The following UBE2D2 variants were observed in gnomAD, a reference collection of about 807,000 sequenced individuals.
UBE2D2 encodes the protein ubiquitin-conjugating enzyme E2 D2.
A neutral mutation model predicts 24.2 loss-of-function variants in UBE2D2; 2 were observed. The ratio of observed to expected loss-of-function variants is 0.08; its 90% CI spans 0.03 to 0.26. The LOEUF (loss-of-function observed/expected upper bound fraction) is 0.26, where lower values mean the gene tolerates loss of function less well. Ranked by LOEUF, UBE2D2 falls within the 10% of genes least tolerant of loss-of-function variation. The pLI, the probability that UBE2D2 is intolerant of heterozygous loss-of-function variation, is 1.00. For missense variants in UBE2D2, 44 were observed against 177.6 expected (o/e 0.25, Z 4.28); for synonymous variants, 58 against 56.5 (o/e 1.03, Z -0.12).
At chr5:139,566,888 A>T (rs566780802) in intron 1 of UBE2D2, among the ~76,000 whole-genome samples, 1 of 152,056 alleles carries the variant, frequency 6.6e-6, no homozygotes, top group East Asian at 1.9e-4. Flanking sequence ...GAGAAGCCAC[A>T]AATCCAGATT....
intron 1 of UBE2D2, among the ~76,000 whole-genome samples, chr5:139,568,940 A>G (rs1291901637): frequency 2.9e-4 from 44 of 152,144 alleles, no homozygotes; most frequent in Non-Finnish European, 4.4e-5. Flanking sequence ...ACTGCAGTCC[A>G]GCTTGGGCAA....
intron 1 of UBE2D2, among the ~76,000 whole-genome samples, chr5:139,540,182 G>A (rs144376648): frequency 0.012 from 1,899 of 152,196 alleles, 33 homozygotes; most frequent in African/African-American, 0.043. Flanking sequence ...ACCTCCCAAA[G>A]TGCTGGGATT....
At chr5:139,541,602 A>AG (rs1341625750) in intron 1 of UBE2D2, among the ~76,000 whole-genome samples, 2 of 149,198 alleles carry the variant, frequency 1.3e-5, no homozygotes, top group Admixed American at 6.7e-5. Context: ...TCCATTTCAA[A>AG]AAAAAAAAAA....
chr5:139,586,565 A>T (rs1182862779), intron 1 of UBE2D2, among the ~76,000 whole-genome samples: 2 of 152,120 alleles, frequency 1.3e-5, no homozygotes, highest in Non-Finnish European at 2.9e-5. Flanking sequence ...GGAGATGGAG[A>T]CCATCCTGGC....
intron 5 of UBE2D2, among the ~76,000 whole-genome samples, chr5:139,622,890 G>A (rs540507117): frequency 2.0e-5 from 3 of 149,598 alleles, no homozygotes; most frequent in South Asian, 2.1e-4. Flanking sequence ...GCCAGACTCC[G>A]TCTCAAAAAA....
intron 1 of UBE2D2, among the ~76,000 whole-genome samples, chr5:139,535,135 T>C (rs1752651304): frequency 7.0e-6 from 1 of 143,854 alleles, no homozygotes; most frequent in Non-Finnish European, 1.5e-5. Flanking sequence ...AAGTGAGACT[T>C]TATCTCAAAT....
At chr5:139,584,102 A>G (rs1753665737) in intron 1 of UBE2D2, among the ~76,000 whole-genome samples, 1 of 152,222 alleles carries the variant, frequency 6.6e-6, no homozygotes, top group Non-Finnish European at 1.5e-5. Flanking sequence ...ATCCAGAGCA[A>G]CTTCCAGTCT....
upstream of UBE2D2, among the ~76,000 whole-genome samples, chr5:139,558,678 T>C (rs1467209411): frequency 6.6e-6 from 1 of 152,154 alleles, no homozygotes; most frequent in Non-Finnish European, 1.5e-5. Context: ...GATATTTATA[T>C]GTAAGGGAAA....
At chr5:139,618,473 G>A (rs1265896815) in intron 5 of UBE2D2, among the ~76,000 whole-genome samples, 1 of 152,180 alleles carries the variant, frequency 6.6e-6, no homozygotes, top group African/African-American at 2.4e-5. Flanking sequence ...TTGAGAAAGT[G>A]TTTGTGGACC....
chr5:139,614,074 A>C (rs1030331054), intron 2 of UBE2D2, among the ~76,000 whole-genome samples: 1 of 150,982 alleles, frequency 6.6e-6, no homozygotes, highest in African/African-American at 2.5e-5. Flanking sequence ...AAAAAAAAAA[A>C]AAAAAAAGTG....
intron 1 of UBE2D2, among the ~76,000 whole-genome samples, chr5:139,537,025 A>T (rs1752692108): frequency 6.6e-6 from 1 of 151,886 alleles, no homozygotes; most frequent in Non-Finnish European, 1.5e-5. Flanking sequence ...TAAAAATACA[A>T]AAAGAAAATT....
chr5:139,623,671 C>G (rs1271396242), intron 6 of UBE2D2: 1 of 416,970 alleles, frequency 2.4e-6, no homozygotes, highest in Admixed American at 4.1e-5. Context: ...CGTGACTCCT[C>G]TTGTCTACAA....
intron 2 of UBE2D2, among the ~76,000 whole-genome samples, chr5:139,601,598 A>T (rs991495651): frequency 2.0e-4 from 31 of 152,134 alleles, no homozygotes; most frequent in Non-Finnish European, 2.8e-4. Context: ...TGGGCGACAG[A>T]GTGAGACGCT....
intron 2 of UBE2D2, among the ~76,000 whole-genome samples, chr5:139,600,951 T>C (rs1754060153): frequency 1.3e-5 from 2 of 152,124 alleles, no homozygotes; most frequent in South Asian, 4.1e-4. Flanking sequence ...TACAGGTGCA[T>C]GCCACCACGC....
At chr5:139,548,645 C>G (rs553722718) in intron 1 of UBE2D2, among the ~76,000 whole-genome samples, 1 of 152,196 alleles carries the variant, frequency 6.6e-6, no homozygotes, top group African/African-American at 2.4e-5. Context: ...CAATATTTAT[C>G]GAGCATTTCC....
chr5:139,598,063 G>A (rs920579176), intron 1 of UBE2D2, among the ~76,000 whole-genome samples: 3 of 152,002 alleles, frequency 2.0e-5, no homozygotes, highest in African/African-American at 7.2e-5. Flanking sequence ...CACCATGCCT[G>A]GCTAATTTTT....
intron 1 of UBE2D2, among the ~76,000 whole-genome samples, chr5:139,576,283 A>G (rs116828278): frequency 0.048 from 7,271 of 152,024 alleles, 220 homozygotes; most frequent in Middle Eastern, 0.13. Context: ...TCAGGTCCAT[A>G]CTCTGGATGT....
chr5:139,622,617 C>T (rs1754532551), intron 5 of UBE2D2, among the ~76,000 whole-genome samples: 1 of 150,980 alleles, frequency 6.6e-6, no homozygotes. Flanking sequence ...AGGCTGGGTG[C>T]AGTGGCTCAC....
chr5:139,622,250 T>C (rs1324290588), intron 5 of UBE2D2, among the ~76,000 whole-genome samples: 1 of 151,848 alleles, frequency 6.6e-6, no homozygotes, highest in Non-Finnish European at 1.5e-5. Flanking sequence ...TTATTATAAT[T>C]ATTATTTTTT....
Sources: allele counts gnomAD v4.1 joint callset (sites outside exome capture counted in the v4.1 genomes callset), GRCh38; gene constraint gnomAD v4.1.1; transcripts MANE v1.5; gene names NCBI Gene and HGNC (gene_info 2026-07-23, HGNC 2026-07-21).